C1orf87: variants seen among roughly 807,000 people sequenced by gnomAD.
C1orf87 encodes uncharacterized protein C1orf87.
In C1orf87, 58 loss-of-function variants were observed where a neutral mutation model predicts 60.5. The ratio of observed to expected loss-of-function variants is 0.96; its 90% CI spans 0.78 to 1.19. The LOEUF (loss-of-function observed/expected upper bound fraction) is 1.19. C1orf87 is among the 50% of genes most tolerant of loss of function. C1orf87 has a pLI of 0.00. For synonymous variants in C1orf87, 236 were observed against 227.4 expected (o/e 1.04, Z -0.34); for missense variants, 673 against 638.6 (o/e 1.05, Z -0.58).
chr1:60,044,970 G>C (rs1401553644), intron 3 of C1orf87, among the ~76,000 whole-genome samples: 1 of 152,170 alleles, frequency 6.6e-6, no homozygotes, highest in African/African-American at 2.4e-5. Flanking sequence ...GACTCTTCTG[G>C]GGGTGTTGGA....
At chr1:60,065,590 T>C (rs983101276) in intron 2 of C1orf87, among the ~76,000 whole-genome samples, 16 of 152,252 alleles carry the variant, frequency 1.1e-4, no homozygotes, top group African/African-American at 3.6e-4. Context: ...GAACTTCAGG[T>C]ACACTTCTGT....
chr1:60,036,340 TCAAACAAA>T lies in C1orf87; in HGVS notation c.863+1644_863+1651del, dbSNP rs113124628. 3.0e-3 allele frequency among the ~76,000 whole-genome samples: 455 copies of T among 152,210 alleles called. 1 individual carries two copies. Among genetic ancestry groups the T allele is most frequent in the Admixed American group, 4.8e-3 (74 of 15,274 alleles). On this transcript the variant is annotated intron_variant, in intron 6 of 11. Coordinates refer to ENST00000371201, the MANE Select transcript of C1orf87 (RefSeq NM_152377.3). ...TCCAACTGTTGGCCCAAGGACATTT[TCAAACAAA>T]CAAACAAACAAACAAACAAAAAATG... is the stretch of plus-strand genomic sequence containing the variant.
chr1:60,009,149 AG>A (rs1237394990), intron 9 of C1orf87, among the ~76,000 whole-genome samples: 1 of 152,142 alleles, frequency 6.6e-6, no homozygotes, highest in Non-Finnish European at 1.5e-5. Context: ...AAGTCATTCT[AG>A]ATTAGGGCAG....
intron 2 of C1orf87, among the ~76,000 whole-genome samples, chr1:60,064,192 C>T (rs986699945): frequency 2.2e-5 from 3 of 136,302 alleles, no homozygotes; most frequent in Non-Finnish European, 4.8e-5. Context: ...TTGTGATGGC[C>T]TATTGTGGAA....
chr1:59,994,096 T>C (rs1644946933), intron 11 of C1orf87, among the ~76,000 whole-genome samples: 1 of 152,208 alleles, frequency 6.6e-6, no homozygotes, highest in Non-Finnish European at 1.5e-5. Flanking sequence ...TTGTACAGTA[T>C]ATAAAGAACT....
chr1:60,021,815 G>T (rs917118216), intron 8 of C1orf87, among the ~76,000 whole-genome samples: 1 of 152,188 alleles, frequency 6.6e-6, no homozygotes, highest in African/African-American at 2.4e-5. Context: ...AAAGAGACTA[G>T]CTGAAGGGGA....
At position 59,990,735 on chromosome 1, in the gene C1orf87, T is replaced by C; in HGVS notation, c.1579A>G (p.Arg527Gly). 6.2e-7 allele frequency: 1 copy of C among 1,614,122 alleles called. No individual in the cohort carries two copies. Among genetic ancestry groups the C allele is most frequent in the Non-Finnish European group, 8.5e-7 (1 of 1,179,976 alleles). ...AGCATATTTTCTCCCGAACGGAATC[T>C]GCGCAAGGCCTGGTCGATTTTCTGA... ...SPQKIDQALR[R>G]FRSGENMLLE... The change falls in exon 12 of 12, where the codon AGA becomes GGA. Residue 527 changes from arginine (R) to glycine (G), a missense_variant. Coordinates refer to ENST00000371201, the MANE Select transcript of C1orf87 (RefSeq NM_152377.3).
At chr1:60,015,558 T>A (rs914109996) in intron 8 of C1orf87, among the ~76,000 whole-genome samples, 1 of 152,124 alleles carries the variant, frequency 6.6e-6, no homozygotes, top group Admixed American at 6.6e-5. Context: ...GTAGGTTTAG[T>A]TTATTCTGAG....
In C1orf87 at chr1:60,040,082, T is replaced by C; in HGVS notation, c.582A>G (p.Leu194=). The change falls in exon 5 of 12, where the codon TTA becomes TTG. Residue 194 remains leucine, a synonymous_variant. Transcript: ENST00000371201. ...TCAGCTCTTTCTGAAGCTTTTCTAATAAGTTGGAACTCAAAGGACGTGACT... is the reference window on the plus strand; with the variant it reads ...TCAGCTCTTTCTGAAGCTTTTCTAACAAGTTGGAACTCAAAGGACGTGACT... ...ELKSRPLSSN[L]LEKLQKELKI... The C allele has an allele frequency of 6.2e-7, 1 of 1,614,214 alleles. No homozygotes were observed. Among genetic ancestry groups the C allele is most frequent in the South Asian group, 1.1e-5 (1 of 91,084 alleles).
chr1:59,996,648 G>C (rs568500618), intron 11 of C1orf87, among the ~76,000 whole-genome samples: 5 of 152,224 alleles, frequency 3.3e-5, no homozygotes, highest in Non-Finnish European at 5.9e-5. Context: ...TGCCAGAAAA[G>C]GCTACTTCAT....
intron 11 of C1orf87, among the ~76,000 whole-genome samples, chr1:59,993,295 GGAAAA>G (rs553943373): frequency 8.0e-5 from 12 of 150,750 alleles, no homozygotes; most frequent in Admixed American, 2.6e-4. Context: ...AGGGAAAGAA[GGAAAA>G]GAAAACAGAG....
intron 9 of C1orf87, among the ~76,000 whole-genome samples, chr1:60,005,006 T>G (rs997416740): frequency 6.6e-6 from 1 of 152,024 alleles, no homozygotes; most frequent in Non-Finnish European, 1.5e-5. Context: ...CCCAACTCAG[T>G]ACTTTTTAAA....
chr1:60,019,632 T>C (rs1645148390), intron 8 of C1orf87, among the ~76,000 whole-genome samples: 1 of 152,192 alleles, frequency 6.6e-6, no homozygotes, highest in Admixed American at 6.5e-5. Context: ...GTGGTTTTAA[T>C]CAAAATGCTG....
intron 2 of C1orf87, among the ~76,000 whole-genome samples, chr1:60,055,895 GAA>G (rs147776737): frequency 6.8e-6 from 1 of 146,948 alleles, no homozygotes; most frequent in Non-Finnish European, 1.5e-5. Context: ...TTAGAGAAAA[GAA>G]AAAAAAAACT....
At chr1:60,048,139 A>C (rs1324024502) in intron 3 of C1orf87, among the ~76,000 whole-genome samples, 1 of 152,196 alleles carries the variant, frequency 6.6e-6, no homozygotes, top group Non-Finnish European at 1.5e-5. Context: ...ATTAGGTTAT[A>C]AAAGATATTG....
rs149632678 is a variant in C1orf87, at chr1:60,020,206, C to T, written c.1127+5195G>A. ...CTGGGCTTGAGGCTCTGTGCAGCCT[C>T]AAGACATGGTGCCCTGCATCCCAGT... On this transcript the variant is annotated intron_variant, in intron 8 of 11. Coordinates refer to ENST00000371201, the MANE Select transcript of C1orf87 (RefSeq NM_152377.3). 9.8e-5 allele frequency among the ~76,000 whole-genome samples: 15 copies of T among 152,298 alleles called. 2 individuals carry two copies. In the East Asian group the frequency reaches 2.9e-3, roughly 29 times the overall value.
At chr1:60,033,718 C>CTCAACTTTGCTA (rs1645255839) in intron 6 of C1orf87, 77 bp from the exon 7 acceptor site, 13 of 1,487,180 alleles carry the variant, frequency 8.7e-6, no homozygotes, top group Non-Finnish European at 1.0e-5. Flanking sequence ...TACTACATTT[C>CTCAACTTTGCTA]TCAACTTTGC....
chr1:60,047,257 C>T (rs370880133), intron 3 of C1orf87, among the ~76,000 whole-genome samples: 9 of 151,902 alleles, frequency 5.9e-5, no homozygotes, highest in African/African-American at 9.7e-5. Context: ...TAGTTTGTTC[C>T]CTAGCATTCT....
chr1:60,066,793 A>G (rs755318358), intron 2 of C1orf87, among the ~76,000 whole-genome samples: 27 of 151,948 alleles, frequency 1.8e-4, no homozygotes, highest in Non-Finnish European at 3.4e-4. Context: ...TGTCACCTAC[A>G]TTAGGTATTT....
Sources: gnomAD v4.1 joint callset for allele counts (sites outside exome capture counted in the v4.1 genomes callset) on GRCh38, gnomAD v4.1.1 for gene constraint, MANE v1.5 for transcripts, NCBI Gene and HGNC (gene_info 2026-07-23, HGNC 2026-07-21) for gene names.